Variants in KDM4C observed in about 807,000 individuals in gnomAD.
KDM4C encodes the protein lysine demethylase 4C.
In KDM4C, 81 loss-of-function variants were observed where a neutral mutation model predicts 129.3. The ratio of observed to expected loss-of-function variants is 0.63; its 90% CI spans 0.52 to 0.75. The LOEUF is 0.75. Ranked by LOEUF, KDM4C falls within the 30% of genes least tolerant of loss-of-function variation. The pLI is 0.00. For missense variants in KDM4C, 1,457 were observed against 1,304.0 expected, an observed-to-expected ratio of 1.12 and a Z score of -1.81; for synonymous variants, 573 against 456.1, an observed-to-expected ratio of 1.26 and a Z score of -3.26.
At chr9:7,112,749 G>C (rs1207770053) in intron 18 of KDM4C, among the ~76,000 whole-genome samples, 1 of 152,070 alleles carries the variant, frequency 6.6e-6, no homozygotes, top group Non-Finnish European at 1.5e-5. Context: ...GCTTGATACT[G>C]TCTTCCTTTA....
intron 21 of KDM4C, chr9:7,170,102 A>G: frequency 6.9e-7 from 1 of 1,448,868 alleles, no homozygotes; most frequent in East Asian, 2.7e-5. Context: ...CTTTTCTTCT[A>G]ATGAAGTCAC....
chr9:7,071,482 C>G (rs889402847), intron 17 of KDM4C, among the ~76,000 whole-genome samples: 10 of 152,134 alleles, frequency 6.6e-5, no homozygotes, highest in Non-Finnish European at 1.5e-4. Context: ...GGACTAGACA[C>G]ATACACCTAT....
rs538791426 is a variant in KDM4C at position 6,835,653 on chromosome 9, A to C, written c.436-13854A>C. 7 of 754,836 alleles carry C rather than the reference A, an allele frequency of 9.3e-6. No individual in the cohort carries two copies. In the African/African-American group the frequency reaches 1.2e-4, roughly 13 times the overall value. The allele number at this position is 754,836 out of a possible 1,614,324, so 46.8% of individuals were successfully genotyped here. ...GTGCAGAAAACAAGATGAGATTGGCATGGCTTTATTTTTTGTTTTGTTTTG... is the reference window on the plus strand; with the variant it reads ...GTGCAGAAAACAAGATGAGATTGGCCTGGCTTTATTTTTTGTTTTGTTTTG... On this transcript the variant is annotated intron_variant, in intron 4 of 21. Transcript: ENST00000381309.
chr9:6,735,100 C>T, intron 1 of KDM4C: 1 of 400,324 alleles, frequency 2.5e-6, no homozygotes, highest in South Asian at 2.1e-5. Flanking sequence ...TATGCAATGA[C>T]TGGGCAGTGC....
At chr9:6,743,985 C>T (rs975399508) in intron 1 of KDM4C, among the ~76,000 whole-genome samples, 3 of 151,302 alleles carry the variant, frequency 2.0e-5, no homozygotes, top group African/African-American at 7.3e-5. Flanking sequence ...TGGGCTCAAA[C>T]AATCCTCCCA....
chr9:6,720,924 T>A (rs1259785812), exon 1 of KDM4C: 2 of 1,550,212 alleles, frequency 1.3e-6, no homozygotes, highest in African/African-American at 2.7e-5. Flanking sequence ...TCTGCATTCA[T>A]GTGGAAGAGG....
At chr9:6,877,101 G>T (rs1438744210) in intron 5 of KDM4C, among the ~76,000 whole-genome samples, 1 of 152,156 alleles carries the variant, frequency 6.6e-6, no homozygotes, top group Non-Finnish European at 1.5e-5. Flanking sequence ...TGTTTCTGCT[G>T]TCCTTCATTC....
At chr9:6,911,368 A>G (rs1819273892) in intron 8 of KDM4C, among the ~76,000 whole-genome samples, 1 of 152,220 alleles carries the variant, frequency 6.6e-6, no homozygotes, top group African/African-American at 2.4e-5. Context: ...CTAGCTTCAA[A>G]CAGGAGTATA....
At chr9:7,153,464 A>C (rs1006623057) in intron 19 of KDM4C, among the ~76,000 whole-genome samples, 4 of 152,280 alleles carry the variant, frequency 2.6e-5, no homozygotes, top group Non-Finnish European at 4.4e-5. Context: ...ACTGGGGGGT[A>C]TTGAAAACTT....
intron 1 of KDM4C, among the ~76,000 whole-genome samples, chr9:6,733,385 G>A (rs1478119395): frequency 1.3e-5 from 2 of 152,216 alleles, no homozygotes; most frequent in Non-Finnish European, 2.9e-5. Flanking sequence ...GAGACTGTTT[G>A]CATTTCTAAG....
At chr9:7,154,106 C>T (rs543626528) in intron 19 of KDM4C, among the ~76,000 whole-genome samples, 2 of 152,242 alleles carry the variant, frequency 1.3e-5, no homozygotes, top group East Asian at 1.9e-4. Context: ...TGGCAGTGTT[C>T]AGTGACTGTG....
intron 8 of KDM4C, among the ~76,000 whole-genome samples, chr9:6,935,062 A>G (rs1824511881): frequency 6.6e-6 from 1 of 152,120 alleles, no homozygotes; most frequent in African/African-American, 2.4e-5. Flanking sequence ...ATTTTCCAGA[A>G]ATTTATTAAA....
rs1824417571 is a variant in KDM4C, at chr9:7,019,764, T to TTTAAA, written c.2259+3835_2259+3836insTTAAA. On this transcript the variant is annotated intron_variant, in intron 15 of 21. Coordinates refer to ENST00000381309, the MANE Select transcript of KDM4C (RefSeq NM_015061.6). ...AATATAATATTTTTATATATAAAAA[T>TTTAAA]ATAATATTTTTATATATAAAAATAT... Among the ~76,000 whole-genome samples the TTTAAA allele has an allele frequency of 1.3e-4, 16 of 120,052 alleles. No homozygotes were observed. In the Admixed American group the frequency reaches 1.5e-3, roughly 11 times the overall value. 78.8% of individuals were successfully genotyped at this position (120,052 alleles called of 152,430 possible).
At chr9:6,916,496 G>A (rs907717725) in intron 8 of KDM4C, among the ~76,000 whole-genome samples, 2 of 152,142 alleles carry the variant, frequency 1.3e-5, no homozygotes, top group African/African-American at 4.8e-5. Context: ...CTGGTCTCAA[G>A]TGATCCTCCT....
At chr9:6,859,084 G>A (rs1337419402) in intron 5 of KDM4C, among the ~76,000 whole-genome samples, 15 of 151,964 alleles carry the variant, frequency 9.9e-5, no homozygotes, top group Admixed American at 9.2e-4. Flanking sequence ...TAGTTAGTAG[G>A]GTTTGAACAA....
intron 15 of KDM4C, among the ~76,000 whole-genome samples, chr9:7,031,419 C>G (rs1018223344): frequency 6.6e-6 from 1 of 152,076 alleles, no homozygotes; most frequent in Admixed American, 6.5e-5. Context: ...CCTTGGCCTC[C>G]CAAAGTGCTG....
chr9:7,104,993 A>C (rs1234874797), intron 18 of KDM4C, among the ~76,000 whole-genome samples: 1 of 145,152 alleles, frequency 6.9e-6, no homozygotes, highest in Non-Finnish European at 1.5e-5. Context: ...CAACTGTCAC[A>C]TCTATTTTAT....
intron 2 of KDM4C, among the ~76,000 whole-genome samples, chr9:6,793,724 G>C (rs1489050490): frequency 6.6e-6 from 1 of 151,808 alleles, no homozygotes; most frequent in Non-Finnish European, 1.5e-5. Flanking sequence ...TGTATTTTTA[G>C]TTGAGACGGG....
intron 18 of KDM4C, among the ~76,000 whole-genome samples, chr9:7,122,364 G>A (rs1483961255): frequency 6.6e-6 from 1 of 151,910 alleles, no homozygotes. Flanking sequence ...AACCACCCCC[G>A]TGATCCAGTC....
Sources: gnomAD v4.1 joint callset for allele counts (sites outside exome capture counted in the v4.1 genomes callset) on GRCh38, gnomAD v4.1.1 for gene constraint, MANE v1.5 for transcripts, NCBI Gene and HGNC (gene_info 2026-07-23, HGNC 2026-07-21) for gene names.